CSMD1: variants seen among roughly 807,000 people sequenced by gnomAD.
The protein encoded by CSMD1 is CUB and Sushi multiple domains 1, also known as CUB and sushi domain-containing protein 1.
CSMD1 carries 213 observed loss-of-function variants against 417.5 expected under a neutral mutation model. The observed-to-expected ratio is 0.51, with a 90% CI of 0.46 to 0.57. The LOEUF (loss-of-function observed/expected upper bound fraction) is 0.57. Among genes scored for constraint, CSMD1 ranks in the 20% least tolerant of loss-of-function variants. The pLI is 0.00. For missense variants in CSMD1, 6,923 were observed against 4,529.7 expected (o/e 1.53, Z -15.17); for synonymous variants, 2,862 against 1,736.8 (o/e 1.65, Z -16.11).
rs187638058 is a variant in CSMD1, at chr8:3,778,206, T to C, written c.819-24164A>G. Among the ~76,000 whole-genome samples, 422 of 152,198 alleles carry C rather than the reference T, an allele frequency of 2.8e-3. 2 individuals carry two copies. The highest frequency in any genetic ancestry group is 0.014 in the Middle Eastern group (4 of 294). ...GGGGCAGGGACGGGATCCTGGCCGT[T>C]TGTCCTTTAGAGGTCTGTGGAACTG... On this transcript the variant is annotated intron_variant, in intron 5 of 69. Coordinates refer to ENST00000635120, the MANE Select transcript of CSMD1 (RefSeq NM_033225.6).
At chr8:4,702,930 T>C (rs1054976725) in intron 1 of CSMD1, among the ~76,000 whole-genome samples, 2 of 152,182 alleles carry the variant, frequency 1.3e-5, no homozygotes, top group African/African-American at 4.8e-5. Context: ...ACTTCTAAAA[T>C]GACAAAATTA....
chr8:3,924,602 T>C (rs568010513), intron 5 of CSMD1, among the ~76,000 whole-genome samples: 12 of 152,220 alleles, frequency 7.9e-5, no homozygotes, highest in Non-Finnish European at 1.8e-4. Flanking sequence ...TGATCTGTCT[T>C]ATATTTCACT....
chr8:3,140,757 C>A (rs752748922), intron 41 of CSMD1, among the ~76,000 whole-genome samples: 1 of 151,346 alleles, frequency 6.6e-6, no homozygotes, highest in Non-Finnish European at 1.5e-5. Flanking sequence ...CTAGATTTAA[C>A]GTTTTCAACC....
chr8:3,784,309 C>A (rs951284780), intron 5 of CSMD1, among the ~76,000 whole-genome samples: 1 of 152,176 alleles, frequency 6.6e-6, no homozygotes, highest in Non-Finnish European at 1.5e-5. Context: ...TAAATATATA[C>A]TTTCTAATAT....
At chr8:3,657,081 A>G (rs1320535343) in intron 7 of CSMD1, among the ~76,000 whole-genome samples, 1 of 152,144 alleles carries the variant, frequency 6.6e-6, no homozygotes, top group Non-Finnish European at 1.5e-5. Flanking sequence ...GAGAGAGTCC[A>G]CTACCGAGTT....
At chr8:3,962,433 G>A (rs1003987051) in intron 5 of CSMD1, among the ~76,000 whole-genome samples, 1 of 152,178 alleles carries the variant, frequency 6.6e-6, no homozygotes, top group Non-Finnish European at 1.5e-5. Flanking sequence ...TCACCTCTCA[G>A]CTGGGTGATG....
At chr8:3,615,741 G>A (rs553917905) in intron 8 of CSMD1, among the ~76,000 whole-genome samples, 1 of 152,178 alleles carries the variant, frequency 6.6e-6, no homozygotes, top group East Asian at 1.9e-4. Flanking sequence ...AGCAGCCTTA[G>A]CTCTGTGAAC....
At chr8:3,456,330 G>C (rs6996606) in intron 12 of CSMD1, among the ~76,000 whole-genome samples, 4 of 92,874 alleles carry the variant, frequency 4.3e-5, no homozygotes, top group African/African-American at 1.5e-4. Flanking sequence ...ACACTCCCCA[G>C]TGACATGAAC....
chr8:4,116,852 C>T (rs572568787), intron 3 of CSMD1, among the ~76,000 whole-genome samples: 1 of 151,888 alleles, frequency 6.6e-6, no homozygotes, highest in Non-Finnish European at 1.5e-5. Context: ...AAGCACCTGG[C>T]ATTTACTGTA....
At chr8:3,447,593 G>T (rs996273494) in intron 12 of CSMD1, among the ~76,000 whole-genome samples, 4 of 152,178 alleles carry the variant, frequency 2.6e-5, no homozygotes, top group Admixed American at 6.5e-5. Context: ...AGGTTCCGTA[G>T]GATTAGCCCC....
intron 50 of CSMD1, among the ~76,000 whole-genome samples, chr8:3,043,972 ACT>A (rs1472827093): frequency 1.3e-5 from 2 of 152,144 alleles, no homozygotes; most frequent in African/African-American, 4.8e-5. Flanking sequence ...AGCTGCAAAC[ACT>A]CTACAACAGC....
chr8:3,062,499 G>A (rs1400078942), intron 49 of CSMD1, among the ~76,000 whole-genome samples: 3 of 151,352 alleles, frequency 2.0e-5, no homozygotes, highest in African/African-American at 7.3e-5. Flanking sequence ...GGGAACTAAT[G>A]ACTTGGCTTT....
At chr8:4,448,361 C>A (rs1410285333) in intron 2 of CSMD1, among the ~76,000 whole-genome samples, 1 of 152,168 alleles carries the variant, frequency 6.6e-6, no homozygotes, top group Non-Finnish European at 1.5e-5. Flanking sequence ...ACTCAATTAA[C>A]AGGGAATAAA....
rs774636100 is a variant in CSMD1, at chr8:3,087,267, G to C, written c.7304C>G (p.Thr2435Ser). ...AATACCCCCATTCTTCAGGGGGTGGGTCAAACTGCAGTAAGGTGCTGTGGG... is the reference window on the plus strand; with the variant it reads ...AATACCCCCATTCTTCAGGGGGTGGCTCAAACTGCAGTAAGGTGCTGTGGG... ...IRYAAPYCSLTHPLKNGGILN... is the reference protein window; with the variant it reads ...IRYAAPYCSLSHPLKNGGILN... Residue 2435 changes from threonine (T) to serine (S), a missense_variant, in exon 49 of 70, where the codon ACC (threonine) becomes AGC (serine). By Grantham distance (58) the Thr-to-Ser change is moderately conservative (BLOSUM62 1). Coordinates refer to ENST00000635120, the MANE Select transcript of CSMD1 (RefSeq NM_033225.6). 1.2e-6 allele frequency: 2 copies of C among 1,613,908 alleles called. No individual in the cohort carries two copies. Among genetic ancestry groups the C allele is most frequent in the Admixed American group, 3.3e-5 (2 of 60,024 alleles).
intron 12 of CSMD1, among the ~76,000 whole-genome samples, chr8:3,440,857 G>C (rs1293908193): frequency 6.6e-6 from 1 of 151,968 alleles, no homozygotes. Flanking sequence ...CTGAGACGTT[G>C]TCATGAACAG....
chr8:3,962,622 C>T (rs1284169279), intron 5 of CSMD1, among the ~76,000 whole-genome samples: 1 of 152,068 alleles, frequency 6.6e-6, no homozygotes, highest in Non-Finnish European at 1.5e-5. Context: ...GGATCATTGG[C>T]TGAAAAGGAG....
At chr8:3,935,411 A>G (rs1239406192) in intron 5 of CSMD1, among the ~76,000 whole-genome samples, 11 of 152,190 alleles carry the variant, frequency 7.2e-5, no homozygotes, top group Admixed American at 7.2e-4. Context: ...GCATTTTGCA[A>G]ATAACTGGGT....
At chr8:4,326,552 A>G (rs1231833696) in intron 3 of CSMD1, among the ~76,000 whole-genome samples, 1 of 152,222 alleles carries the variant, frequency 6.6e-6, no homozygotes, top group Non-Finnish European at 1.5e-5. Context: ...GTGGGCATAA[A>G]GGAAAGTGAA....
intron 1 of CSMD1, among the ~76,000 whole-genome samples, chr8:4,926,284 T>C (rs537385676): frequency 6.6e-6 from 1 of 152,214 alleles, no homozygotes; most frequent in Admixed American, 6.5e-5. Context: ...AAACATGAAT[T>C]TTTTTTGGTT....
Sources: allele counts gnomAD v4.1 joint callset (sites outside exome capture counted in the v4.1 genomes callset), GRCh38; gene constraint gnomAD v4.1.1; transcripts MANE v1.5; gene names NCBI Gene and HGNC (gene_info 2026-07-23, HGNC 2026-07-21).